The following CERS6 variants were observed in gnomAD, a reference collection of about 807,000 sequenced individuals.
CERS6 encodes LAG1 homolog, ceramide synthase 6.
Under a neutral mutation model 56.8 loss-of-function variants are expected in CERS6, and 26 were observed. That is an observed-to-expected ratio of 0.46 (90% CI 0.34 to 0.63). CERS6 has a LOEUF of 0.63. Ranked by LOEUF, CERS6 falls within the 30% of genes least tolerant of loss-of-function variation. CERS6 has a pLI of 0.01. For missense variants in CERS6, 415 were observed against 467.5 expected, an observed-to-expected ratio of 0.89 and a Z score of 1.04; for synonymous variants, 164 against 173.3, an observed-to-expected ratio of 0.95 and a Z score of 0.42.
chr2:168,569,879 G>T (rs1057006650), intron 3 of CERS6, among the ~76,000 whole-genome samples: 1 of 152,186 alleles, frequency 6.6e-6, no homozygotes, highest in African/African-American at 2.4e-5. Flanking sequence ...AAGACTAGAT[G>T]AATTAATATA....
At chr2:168,645,134 TATATATATAGAGAGAGAG>T (rs1419816451) in intron 4 of CERS6, among the ~76,000 whole-genome samples, 2 of 38,832 alleles carry the variant, frequency 5.2e-5, no homozygotes, top group African/African-American at 1.3e-4. Flanking sequence ...TATATATATA[TATATATATAGAGAGAGAG>T]AGAGAGAGAG....
At chr2:168,620,063 A>G (rs967195748) in intron 3 of CERS6, among the ~76,000 whole-genome samples, 2 of 32,002 alleles carry the variant, frequency 6.2e-5, no homozygotes, top group African/African-American at 1.3e-4. Context: ...ACACACACAC[A>G]TATTTATATA....
intron 8 of CERS6, among the ~76,000 whole-genome samples, chr2:168,739,846 C>T (rs75569288): frequency 0.023 from 3,441 of 151,892 alleles, 119 homozygotes; most frequent in African/African-American, 0.076. Flanking sequence ...CTCAGCCTCC[C>T]GAGTAGCTGG....
At chr2:168,637,786 G>A (rs1684897017) in intron 4 of CERS6, among the ~76,000 whole-genome samples, 1 of 152,042 alleles carries the variant, frequency 6.6e-6, no homozygotes, top group African/African-American at 2.4e-5. Flanking sequence ...TTTTACTGTG[G>A]TAGTAATGTA....
At chr2:168,669,038 A>G (rs1289979973) in intron 4 of CERS6, among the ~76,000 whole-genome samples, 2 of 152,200 alleles carry the variant, frequency 1.3e-5, no homozygotes, top group Non-Finnish European at 2.9e-5. Context: ...AGTTAGGATT[A>G]GGTCTGGAAC....
chr2:168,600,483 C>T (rs914317041), intron 3 of CERS6, among the ~76,000 whole-genome samples: 3 of 152,188 alleles, frequency 2.0e-5, no homozygotes, highest in East Asian at 3.8e-4. Context: ...GGATTACAGG[C>T]GTGAGCCACC....
chr2:168,483,958 G>C (rs534084600), intron 1 of CERS6, among the ~76,000 whole-genome samples: 1 of 152,032 alleles, frequency 6.6e-6, no homozygotes, highest in East Asian at 1.9e-4. Flanking sequence ...TGGTTATGCT[G>C]ATGTTGCTAG....
In CERS6 at chr2:168,523,612, A is replaced by T. The variant is rs569222263; in HGVS notation, c.171-23984A>T. ...ACCCCACTACCTGCTGGTGGAGAGAAGGCCAATAACCAAATGACTATAGTG... is the reference window on the plus strand; with the variant it reads ...ACCCCACTACCTGCTGGTGGAGAGATGGCCAATAACCAAATGACTATAGTG... On this transcript the variant is annotated intron_variant, in intron 1 of 9. Coordinates refer to ENST00000305747, the MANE Select transcript of CERS6 (RefSeq NM_203463.3). Among the ~76,000 whole-genome samples, 3 of 152,182 alleles carry T rather than the reference A, an allele frequency of 2.0e-5. No homozygotes were observed. The South Asian group carries it at 6.2e-4, about 32-fold the overall frequency.
rs956650104 is a variant in CERS6 at position 168,629,402 on chromosome 2, G to A, written c.408-1583G>A. ...AGTTCCATACTGGAAGGATTGGGAG[G>A]GACTAGAGAGAAGTAGAGATAATAC... On this transcript the variant is annotated intron_variant, in intron 3 of 9. Coordinates refer to ENST00000305747, the MANE Select transcript of CERS6 (RefSeq NM_203463.3). Among the ~76,000 whole-genome samples, 7 of 152,038 alleles carry A rather than the reference G, an allele frequency of 4.6e-5. 1 individual carries two copies. Among genetic ancestry groups the A allele is most frequent in the Admixed American group, 1.3e-4 (2 of 15,264 alleles).
chr2:168,578,448 T>G (rs2105394114), intron 3 of CERS6, among the ~76,000 whole-genome samples: 2 of 152,332 alleles, frequency 1.3e-5, no homozygotes, highest in East Asian at 3.9e-4. Flanking sequence ...TCCTAAGAAA[T>G]TCTGTGCCAC....
At chr2:168,479,066 T>C (rs2105331110) in intron 1 of CERS6, among the ~76,000 whole-genome samples, 1 of 152,318 alleles carries the variant, frequency 6.6e-6, no homozygotes, top group East Asian at 1.9e-4. Context: ...TAACATCATT[T>C]ACTAAATAAT....
chr2:168,542,057 T>C (rs916271470), intron 1 of CERS6, among the ~76,000 whole-genome samples: 1 of 152,202 alleles, frequency 6.6e-6, no homozygotes. Flanking sequence ...TTGCTCCAAC[T>C]TGGACACTTC....
intron 8 of CERS6, among the ~76,000 whole-genome samples, chr2:168,760,592 G>A (rs542962343): frequency 7.2e-5 from 11 of 152,132 alleles, no homozygotes; most frequent in African/African-American, 2.7e-4. Flanking sequence ...GTTCATGATG[G>A]CATCATTAAA....
chr2:168,704,605 C>CTTTT (rs1379244337), intron 6 of CERS6, among the ~76,000 whole-genome samples: 1 of 152,074 alleles, frequency 6.6e-6, no homozygotes, highest in Non-Finnish European at 1.5e-5. Flanking sequence ...CACCTTTGTT[C>CTTTT]TTTTTGTTTG....
At chr2:168,656,467 C>T (rs1275293809) in intron 4 of CERS6, among the ~76,000 whole-genome samples, 2 of 151,140 alleles carry the variant, frequency 1.3e-5, no homozygotes, top group Non-Finnish European at 2.9e-5. Flanking sequence ...CAGATGTGTT[C>T]GGAGTTTCTT....
chr2:168,525,650 C>T (rs1035566945), intron 1 of CERS6, among the ~76,000 whole-genome samples: 14 of 152,162 alleles, frequency 9.2e-5, no homozygotes, highest in African/African-American at 3.4e-4. Context: ...ACGGCCCGAG[C>T]CCCTGTGAAA....
intron 3 of CERS6, among the ~76,000 whole-genome samples, chr2:168,576,610 G>A (rs959280286): frequency 1.3e-5 from 2 of 151,974 alleles, no homozygotes; most frequent in Non-Finnish European, 2.9e-5. Flanking sequence ...AAAACTTATA[G>A]AGAAGTTTGA....
intron 8 of CERS6, among the ~76,000 whole-genome samples, chr2:168,758,687 C>T (rs1684481360): frequency 1.3e-5 from 2 of 152,152 alleles, no homozygotes; most frequent in Admixed American, 1.3e-4. Context: ...AAAGAATGTT[C>T]ATCTAATTTT....
intron 3 of CERS6, among the ~76,000 whole-genome samples, chr2:168,564,873 T>C (rs1239421462): frequency 6.6e-6 from 1 of 152,244 alleles, no homozygotes; most frequent in Non-Finnish European, 1.5e-5. Context: ...ATTCCAATTC[T>C]GTGTTGCTTG....
Sources: gnomAD v4.1 joint callset for allele counts (sites outside exome capture counted in the v4.1 genomes callset) on GRCh38, gnomAD v4.1.1 for gene constraint, MANE v1.5 for transcripts, NCBI Gene and HGNC (gene_info 2026-07-23, HGNC 2026-07-21) for gene names.